Variants in CFLAR observed in about 807,000 individuals in gnomAD.
CFLAR encodes CASP8 and FADD like apoptosis regulator, also known as CASP8 and FADD-like apoptosis regulator.
A neutral mutation model predicts 51.1 loss-of-function variants in CFLAR; 14 were observed. That is an observed-to-expected ratio of 0.27 (90% CI 0.18 to 0.43). CFLAR has a LOEUF of 0.43. Ranked by LOEUF, CFLAR falls within the 20% of genes least tolerant of loss-of-function variation. The pLI is 1.00. For synonymous variants in CFLAR, 210 were observed against 211.6 expected (o/e 0.99, Z 0.06); for missense variants, 390 against 566.5 (o/e 0.69, Z 3.16).
At chr2:201,134,338 G>T (rs1487273892) in intron 3 of CFLAR, among the ~76,000 whole-genome samples, 1 of 148,456 alleles carries the variant, frequency 6.7e-6, no homozygotes, top group Non-Finnish European at 1.5e-5. Context: ...ACTCCAGTTG[G>T]CCTAGCACAA....
intron 5 of CFLAR, chr2:201,143,538 A>C (rs1293382133): frequency 6.6e-6 from 1 of 152,238 alleles, no homozygotes; most frequent in Non-Finnish European, 1.5e-5. Flanking sequence ...GCACTATGGC[A>C]TATGAATGCA....
At chr2:201,158,076 G>T (rs1337135016) in intron 8 of CFLAR, among the ~76,000 whole-genome samples, 1 of 152,176 alleles carries the variant, frequency 6.6e-6, no homozygotes, top group Non-Finnish European at 1.5e-5. Flanking sequence ...AGGATTTTCT[G>T]CCCCAGACCT....
chr2:201,149,710 G>GCTTGGCGCTC, intron 7 of CFLAR, 44 bp from the exon 8 acceptor site: 1 of 1,471,980 alleles, frequency 6.8e-7, no homozygotes, highest in African/African-American at 1.4e-5. Flanking sequence ...TATAGAAACA[G>GCTTGGCGCTC]AGCAATATCC....
At position 201,138,771 on chromosome 2, in the gene CFLAR, G is replaced by A; in HGVS notation, c.524-1586G>A. ...CACCTCACTGGCCTGGAACTCTGGG[G>A]TGCAGTTGTGGTGAATGAAACCAGT... On this transcript the variant is annotated intron_variant, in intron 4 of 9. Coordinates refer to ENST00000309955, the MANE Select transcript of CFLAR (RefSeq NM_003879.7). The surrounding 1 kb of genome is among the most constrained non-coding windows in gnomAD (Gnocchi z 4.0). The A allele has an allele frequency of 1.3e-6, 1 of 769,088 alleles. No homozygotes were observed. Among genetic ancestry groups the A allele is most frequent in the Non-Finnish European group, 2.4e-6 (1 of 419,562 alleles). 47.6% of individuals were successfully genotyped at this position (769,088 alleles called of 1,614,324 possible).
chr2:201,165,262 A>G lies in CFLAR; in HGVS notation c.*1289A>G, dbSNP rs1161221920. 3 of 147,446 alleles carry G rather than the reference A, an allele frequency of 2.0e-5. No homozygotes were observed. The highest frequency in any genetic ancestry group is 4.5e-5 in the Non-Finnish European group (3 of 67,022). The allele number at this position is 147,446 out of a possible 1,614,324, so 9.1% of individuals were successfully genotyped here. The stretch of plus-strand genomic sequence containing the variant: ...GTTGCTTATTATTATTATTATTATT[A>G]TTATTATTATTATTATTATTATTAT... On this transcript the variant is annotated 3_prime_UTR_variant, in exon 10 of 10. Coordinates refer to ENST00000309955, the MANE Select transcript of CFLAR (RefSeq NM_003879.7).
intron 8 of CFLAR, chr2:201,151,405 C>T (rs530074654): frequency 2.6e-5 from 4 of 152,246 alleles, no homozygotes; most frequent in South Asian, 2.1e-4. Flanking sequence ...AACTATCTTT[C>T]AGGCTCACTT....
chr2:201,127,770 A>C (rs2048848536), intron 1 of CFLAR, among the ~76,000 whole-genome samples: 1 of 152,176 alleles, frequency 6.6e-6, no homozygotes, highest in African/African-American at 2.4e-5. Context: ...AGATGCTACC[A>C]CTGAGTAATC....
chr2:201,158,207 G>T (rs1292557587), intron 8 of CFLAR, among the ~76,000 whole-genome samples: 1 of 152,178 alleles, frequency 6.6e-6, no homozygotes, highest in Non-Finnish European at 1.5e-5. Flanking sequence ...CACATCTTGT[G>T]ATTCCAAGGC....
intron 1 of CFLAR, among the ~76,000 whole-genome samples, chr2:201,121,787 A>G (rs914092849): frequency 1.3e-5 from 2 of 152,236 alleles, no homozygotes; most frequent in African/African-American, 2.4e-5. Context: ...TGTCTAGATG[A>G]ACTTAAGAGA....
In CFLAR at chr2:201,116,652, C is replaced by G. The variant is rs1026105708; in HGVS notation, c.-138+171C>G. Among the ~76,000 whole-genome samples the G allele has an allele frequency of 6.6e-6, 1 of 152,236 alleles. No homozygotes were observed. The highest frequency in any genetic ancestry group is 1.5e-5 in the Non-Finnish European group (1 of 68,042). On this transcript the variant is annotated intron_variant, in intron 1 of 9. Coordinates refer to ENST00000309955, the MANE Select transcript of CFLAR (RefSeq NM_003879.7). This position sits in a 1 kb window ranked among gnomAD's most constrained non-coding sequence, Gnocchi z 4.8. ...TGCGCTCCGGGAAACTGCAGGTGGC[C>G]GGCAGTGGCCAGGGGATGGCGGGGG...
chr2:201,142,560 A>G (rs1939170249), intron 5 of CFLAR: 2 of 152,206 alleles, frequency 1.3e-5, no homozygotes, highest in Admixed American at 1.3e-4. Context: ...ACTGTGATGT[A>G]TATAATAAAC....
chr2:201,141,368 C>A (rs1485133414), intron 5 of CFLAR: 4 of 1,555,470 alleles, frequency 2.6e-6, no homozygotes, highest in Admixed American at 2.0e-5. Flanking sequence ...TTTTTCTCTT[C>A]TACAGATGAT....
chr2:201,141,810 A>C (rs934267498), intron 5 of CFLAR: 26 of 228,752 alleles, frequency 1.1e-4, no homozygotes, highest in African/African-American at 5.6e-4. Context: ...TCTTGGTGTA[A>C]TCTTATCCTC....
At chr2:201,139,954 A>AACCC (rs1315894161) in intron 4 of CFLAR, 1 of 204,874 alleles carries the variant, frequency 4.9e-6, no homozygotes, top group East Asian at 1.7e-4. Flanking sequence ...GTGGAGGGGC[A>AACCC]ACCCACCCCT....
chr2:201,123,280 T>C (rs1171125802), intron 1 of CFLAR, among the ~76,000 whole-genome samples: 1 of 152,056 alleles, frequency 6.6e-6, no homozygotes, highest in Non-Finnish European at 1.5e-5. Flanking sequence ...TCCTTGAGAG[T>C]CATGAAAAGT....
rs908858673 is a variant in CFLAR at position 201,149,915 on chromosome 2, C to G, written c.793+80C>G. 7.6e-6 allele frequency: 8 copies of G among 1,058,118 alleles called. No homozygotes were observed. The African/African-American group carries it at 1.3e-4, about 17-fold the overall frequency. 65.5% of individuals were successfully genotyped at this position (1,058,118 alleles called of 1,614,324 possible). ...GGCAAGCTGTATTCATTGGAGTGAT[C>G]AGCACCAACTGCCGTGACAAACCAG... On this transcript the variant is annotated intron_variant, in intron 8 of 9. Coordinates refer to ENST00000309955, the MANE Select transcript of CFLAR (RefSeq NM_003879.7).
At position 201,120,003 on chromosome 2, in the gene CFLAR, G is replaced by T. The variant is rs201848395; in HGVS notation, c.-138+3522G>T. ...TGCTTTTTTCTAAAAAAGATTCAAG[G>T]TGGGGCCTTCTTTTCTTTTCTTTTT... is the stretch of plus-strand genomic sequence containing the variant. On this transcript the variant is annotated intron_variant, in intron 1 of 9. Transcript: ENST00000309955. Among the ~76,000 whole-genome samples the T allele has an allele frequency of 5.3e-5, 8 of 149,584 alleles. No homozygotes were observed. In the East Asian group the frequency reaches 1.6e-3, roughly 29 times the overall value.
At chr2:201,145,277 C>T in intron 5 of CFLAR, 101 bp from the exon 6 acceptor site, 3 of 648,008 alleles carry the variant, frequency 4.6e-6, no homozygotes, top group African/African-American at 1.9e-5. Flanking sequence ...TTATTTTTTT[C>T]CTGAGTTAAG....
At chr2:201,140,755 GTATGTATATATA>G (rs768119839) in intron 5 of CFLAR, 1 of 191,520 alleles carries the variant, frequency 5.2e-6, no homozygotes, top group African/African-American at 2.4e-5. Flanking sequence ...GTATCTGTAT[GTATGTATATATA>G]TATATATATA....
Sources: allele counts gnomAD v4.1 joint callset (sites outside exome capture counted in the v4.1 genomes callset), GRCh38; gene constraint gnomAD v4.1.1; non-coding constraint Gnocchi (gnomAD v3.1); transcripts MANE v1.5; gene names NCBI Gene and HGNC (gene_info 2026-07-23, HGNC 2026-07-21).